Variants in STARD13 observed in about 807,000 individuals in gnomAD.
STARD13 encodes the protein stAR-related lipid transfer protein 13.
In STARD13, 62 loss-of-function variants were observed where a neutral mutation model predicts 106.4. The ratio of observed to expected loss-of-function variants is 0.58; its 90% CI spans 0.48 to 0.72. The LOEUF (loss-of-function observed/expected upper bound fraction) is 0.72, where lower values mean the gene tolerates loss of function less well. Ranked by LOEUF, STARD13 falls within the 30% of genes least tolerant of loss-of-function variation. The pLI, the probability that STARD13 is intolerant of heterozygous loss-of-function variation, is 0.00. For synonymous variants in STARD13, 565 were observed against 553.0 expected, an observed-to-expected ratio of 1.02 and a Z score of -0.31; for missense variants, 1,387 against 1,424.0, an observed-to-expected ratio of 0.97 and a Z score of 0.42.
Position 33,178,542 on chromosome 13 carries a change from A to G in STARD13, c.170-10920T>C, listed in dbSNP as rs142003087. Among the ~76,000 whole-genome samples, 302 of 152,336 alleles carry G rather than the reference A, an allele frequency of 2.0e-3. 1 individual carries two copies. The highest frequency in any genetic ancestry group is 6.8e-3 in the African/African-American group (282 of 41,582). ...GCAGACTTCAAAAAGGAAATTCCAA[A>G]TGGAAGTTTATTCATGTACCAGAAC... is the stretch of plus-strand genomic sequence containing the variant. On this transcript the variant is annotated intron_variant, in intron 1 of 13. Coordinates refer to ENST00000336934, the MANE Select transcript of STARD13 (RefSeq NM_178006.4).
chr13:33,143,204 A>G (rs182281848), intron 3 of STARD13, among the ~76,000 whole-genome samples: 1 of 152,236 alleles, frequency 6.6e-6, no homozygotes, highest in African/African-American at 2.4e-5. Flanking sequence ...GCCTGTGCTA[A>G]TAAATACATT....
At chr13:33,528,261 T>TATATATATATATAC in the STARD13 span, among the ~76,000 whole-genome samples, 7 of 128,282 alleles carry the variant, frequency 5.5e-5, no homozygotes, top group African/African-American at 2.5e-4. Context: ...TATATACATA[T>TATATATATATATAC]ATATATATAT....
At chr13:33,668,180 C>A in the STARD13 span, among the ~76,000 whole-genome samples, 1 of 152,116 alleles carries the variant, frequency 6.6e-6, no homozygotes, top group South Asian at 2.1e-4. Context: ...AAATTTAATT[C>A]GGCTGAAGTT....
At chr13:33,489,342 G>C in the STARD13 span, among the ~76,000 whole-genome samples, 1 of 152,128 alleles carries the variant, frequency 6.6e-6, no homozygotes, top group African/African-American at 2.4e-5. Context: ...ACTCACTATA[G>C]TAAAGCCTTT....
At chr13:33,469,220 A>T in the STARD13 span, among the ~76,000 whole-genome samples, 4 of 152,212 alleles carry the variant, frequency 2.6e-5, no homozygotes, top group Non-Finnish European at 1.5e-5. Context: ...TGGATTCTGC[A>T]TAGTTCAGGA....
the STARD13 span, among the ~76,000 whole-genome samples, chr13:33,655,697 T>C: frequency 1.3e-5 from 2 of 152,240 alleles, no homozygotes; most frequent in Non-Finnish European, 2.9e-5. Flanking sequence ...CCAAGAATTC[T>C]ATATAGTAAC....
the STARD13 span, among the ~76,000 whole-genome samples, chr13:33,650,691 C>T: frequency 1.3e-5 from 2 of 152,196 alleles, no homozygotes; most frequent in Non-Finnish European, 2.9e-5. Flanking sequence ...GTGTGTCCCT[C>T]CAAAATTCAT....
At chr13:33,124,263 G>A (rs1346315903) in intron 7 of STARD13, among the ~76,000 whole-genome samples, 1 of 152,194 alleles carries the variant, frequency 6.6e-6, no homozygotes, top group African/African-American at 2.4e-5. Flanking sequence ...CAAGGAAAGG[G>A]AGGGACATTC....
chr13:33,185,569 C>T (rs1294052563), intron 1 of STARD13, among the ~76,000 whole-genome samples: 1 of 152,212 alleles, frequency 6.6e-6, no homozygotes, highest in Non-Finnish European at 1.5e-5. Flanking sequence ...TGTGTCTCAA[C>T]TGCCCACATC....
intron 1 of STARD13, among the ~76,000 whole-genome samples, chr13:33,217,175 T>C (rs1009090774): frequency 2.6e-5 from 4 of 152,178 alleles, no homozygotes; most frequent in African/African-American, 4.8e-5. Context: ...CTGGAGTCAA[T>C]AGGGATCTGG....
At chr13:33,517,447 G>C in the STARD13 span, among the ~76,000 whole-genome samples, 1 of 152,146 alleles carries the variant, frequency 6.6e-6, no homozygotes, top group East Asian at 1.9e-4. Flanking sequence ...GATGTCTGAA[G>C]ACTTAAACCA....
the STARD13 span, among the ~76,000 whole-genome samples, chr13:33,569,970 A>G: frequency 6.8e-6 from 1 of 147,442 alleles, no homozygotes; most frequent in Non-Finnish European, 1.5e-5. Flanking sequence ...TACAGTGTAC[A>G]CTGCTTGGGT....
chr13:33,308,848 T>A (rs1893027878), intron 1 of STARD13, among the ~76,000 whole-genome samples: 1 of 152,164 alleles, frequency 6.6e-6, no homozygotes, highest in South Asian at 2.1e-4. Context: ...TAGTCAGATG[T>A]CTTGGCAAAG....
chr13:33,258,313 A>T (rs925212167), intron 1 of STARD13, among the ~76,000 whole-genome samples: 4 of 152,236 alleles, frequency 2.6e-5, no homozygotes, highest in African/African-American at 9.6e-5. Context: ...TTTCCTAAAA[A>T]AATAGATGTG....
chr13:33,332,087 T>C (rs2077843212), intron 1 of STARD13, among the ~76,000 whole-genome samples: 1 of 152,082 alleles, frequency 6.6e-6, no homozygotes, highest in Admixed American at 6.5e-5. Flanking sequence ...ATCCAGACTC[T>C]CTCCCAGGCA....
chr13:33,105,754 C>T (rs1187862208), intron 13 of STARD13, 44 bp from the exon 14 acceptor site: 5 of 1,513,656 alleles, frequency 3.3e-6, no homozygotes, highest in Admixed American at 1.7e-5. Context: ...AGTTTGTTTC[C>T]AAATCACAGC....
the STARD13 span, among the ~76,000 whole-genome samples, chr13:33,614,875 G>T: frequency 6.6e-6 from 1 of 152,176 alleles, no homozygotes; most frequent in Non-Finnish European, 1.5e-5. Context: ...ATTCTCGTTA[G>T]GCAGGCACCG....
Position 33,106,951 on chromosome 13 carries a change from C to T in STARD13, c.3048-17G>A, listed in dbSNP as rs1315656956. The T allele has an allele frequency of 2.2e-5, 36 of 1,605,502 alleles. No individual in the cohort carries two copies. Among genetic ancestry groups the T allele is most frequent in the Admixed American group, 3.4e-5 (2 of 59,542 alleles). ...TTCCAGGTCCTGTAGCAAAACAATCCGCACATCAGAGTCATGACTGAGGGA... is the reference window on the plus strand; with the variant it reads ...TTCCAGGTCCTGTAGCAAAACAATCTGCACATCAGAGTCATGACTGAGGGA... On this transcript the variant is annotated splice_polypyrimidine_tract_variant and intron_variant, in intron 12 of 13. Coordinates refer to ENST00000336934, the MANE Select transcript of STARD13 (RefSeq NM_178006.4).
At chr13:33,639,153 A>G in the STARD13 span, among the ~76,000 whole-genome samples, 12 of 152,248 alleles carry the variant, frequency 7.9e-5, no homozygotes, top group African/African-American at 2.4e-4. Flanking sequence ...ATGATGACCA[A>G]TGCTGCAAAG....
Sources: allele counts gnomAD v4.1 joint callset (sites outside exome capture counted in the v4.1 genomes callset), GRCh38; gene constraint gnomAD v4.1.1; transcripts MANE v1.5; gene names NCBI Gene and HGNC (gene_info 2026-07-23, HGNC 2026-07-21).